Variants in VTI1A observed in about 807,000 individuals in gnomAD.
VTI1A encodes vesicle transport through interaction with t-SNAREs homolog 1A.
Under a neutral mutation model 34.9 loss-of-function variants are expected in VTI1A, and 22 were observed. That is an observed-to-expected ratio of 0.63 (90% confidence interval 0.45 to 0.90). The LOEUF is 0.90. Ranked by LOEUF, VTI1A falls within the 40% of genes least tolerant of loss-of-function variation. The pLI is 0.00. For missense variants in VTI1A, 268 were observed against 275.6 expected, an observed-to-expected ratio of 0.97 and a Z score of 0.20; for synonymous variants, 87 against 97.3, an observed-to-expected ratio of 0.89 and a Z score of 0.62.
At chr10:112,760,904 AAAAAC>A (rs1851441314) in intron 7 of VTI1A, among the ~76,000 whole-genome samples, 1 of 152,014 alleles carries the variant, frequency 6.6e-6, no homozygotes. Flanking sequence ...AAAAAAAAAA[AAAAAC>A]CAAAAAGTTG....
intron 7 of VTI1A, among the ~76,000 whole-genome samples, chr10:112,748,739 T>C (rs1003584209): frequency 1.3e-5 from 2 of 150,990 alleles, no homozygotes; most frequent in African/African-American, 4.9e-5. Flanking sequence ...CATTCTCCTG[T>C]CTCAGATTCC....
intron 7 of VTI1A, among the ~76,000 whole-genome samples, chr10:112,808,929 CTT>C (rs1853191327): frequency 6.6e-6 from 1 of 152,156 alleles, no homozygotes; most frequent in Admixed American, 6.5e-5. Flanking sequence ...AAGACAGTAT[CTT>C]TTTCTTGATT....
At chr10:112,781,292 G>A (rs1485262812) in intron 7 of VTI1A, among the ~76,000 whole-genome samples, 1 of 152,108 alleles carries the variant, frequency 6.6e-6, no homozygotes, top group African/African-American at 2.4e-5. Flanking sequence ...CCCTCTCTGG[G>A]CCTCTAGAAA....
At chr10:112,544,904 G>C (rs568677119) in intron 5 of VTI1A, among the ~76,000 whole-genome samples, 31 of 152,334 alleles carry the variant, frequency 2.0e-4, no homozygotes, top group Middle Eastern at 3.4e-3. Context: ...GGCAAGTTGT[G>C]TGGGGCCATG....
At chr10:112,727,413 G>C (rs953315779) in intron 7 of VTI1A, among the ~76,000 whole-genome samples, 1 of 143,144 alleles carries the variant, frequency 7.0e-6, no homozygotes, top group African/African-American at 2.9e-5. Context: ...ATTCCCTAAT[G>C]ATACCCTGCA....
chr10:112,829,519 G>A, the VTI1A span, among the ~76,000 whole-genome samples: 1 of 151,874 alleles, frequency 6.6e-6, no homozygotes, highest in African/African-American at 2.4e-5. Flanking sequence ...GGGAGGCCAA[G>A]GCAGGTGGAT....
At chr10:112,665,304 GAAAA>G (rs10719081) in intron 5 of VTI1A, among the ~76,000 whole-genome samples, 1 of 140,242 alleles carries the variant, frequency 7.1e-6, no homozygotes, top group Admixed American at 7.0e-5. Context: ...CACAGTGGGG[GAAAA>G]AAAAAAAAAG....
At chr10:112,791,613 A>G (rs184721791) in intron 7 of VTI1A, among the ~76,000 whole-genome samples, 1 of 152,242 alleles carries the variant, frequency 6.6e-6, no homozygotes, top group East Asian at 1.9e-4. Context: ...ACCAGTGAGA[A>G]TGTTAGCTGC....
chr10:112,619,737 G>C (rs890053409), intron 5 of VTI1A, among the ~76,000 whole-genome samples: 2 of 152,024 alleles, frequency 1.3e-5, no homozygotes, highest in Non-Finnish European at 2.9e-5. Flanking sequence ...TTCCTTCCTT[G>C]GAGTGAGGCT....
intron 5 of VTI1A, among the ~76,000 whole-genome samples, chr10:112,562,451 G>A (rs1851755841): frequency 6.6e-6 from 1 of 151,970 alleles, no homozygotes; most frequent in Non-Finnish European, 1.5e-5. Context: ...CTTTTAGAGT[G>A]CTATATTTTC....
intron 7 of VTI1A, among the ~76,000 whole-genome samples, chr10:112,807,262 T>C (rs1178549908): frequency 6.6e-6 from 1 of 152,186 alleles, no homozygotes; most frequent in Admixed American, 6.5e-5. Context: ...AGTGTATTCA[T>C]TTTCCAGGGC....
intron 3 of VTI1A, among the ~76,000 whole-genome samples, chr10:112,474,408 A>G (rs1848208405): frequency 6.6e-6 from 1 of 151,304 alleles, no homozygotes; most frequent in Non-Finnish European, 1.5e-5. Context: ...GTGCATGTGC[A>G]TGCCCATTAT....
intron 7 of VTI1A, among the ~76,000 whole-genome samples, chr10:112,683,662 A>G (rs1408123381): frequency 2.0e-5 from 3 of 152,198 alleles, no homozygotes; most frequent in Non-Finnish European, 4.4e-5. Flanking sequence ...ACTTAATATT[A>G]TAATCTTAAA....
intron 5 of VTI1A, among the ~76,000 whole-genome samples, chr10:112,667,335 G>T (rs147532198): frequency 6.6e-6 from 1 of 152,050 alleles, no homozygotes; most frequent in Non-Finnish European, 1.5e-5. Flanking sequence ...ATGGAGTAAG[G>T]CACCTCCCAG....
chr10:112,484,102 A>C (rs2134105102), intron 3 of VTI1A, among the ~76,000 whole-genome samples: 1 of 152,378 alleles, frequency 6.6e-6, no homozygotes, highest in African/African-American at 2.4e-5. Flanking sequence ...GCTATAAACC[A>C]AGAGAGGCAG....
intron 5 of VTI1A, among the ~76,000 whole-genome samples, chr10:112,640,253 A>G (rs1399171346): frequency 5.3e-5 from 8 of 152,200 alleles, no homozygotes; most frequent in African/African-American, 1.7e-4. Context: ...TTTAATAGCA[A>G]TATCTATCAA....
intron 7 of VTI1A, among the ~76,000 whole-genome samples, chr10:112,709,864 G>A (rs1849345643): frequency 6.7e-6 from 1 of 149,120 alleles, no homozygotes; most frequent in South Asian, 2.2e-4. Flanking sequence ...CTAATTTTTT[G>A]TATTTTAGTA....
chr10:112,690,904 A>T (rs1848588998), intron 7 of VTI1A, among the ~76,000 whole-genome samples: 1 of 152,142 alleles, frequency 6.6e-6, no homozygotes. Flanking sequence ...CCCTAGCCAT[A>T]GGTGCCCCTG....
chr10:112,482,947 A>G (rs1261823913), intron 3 of VTI1A, among the ~76,000 whole-genome samples: 1 of 152,206 alleles, frequency 6.6e-6, no homozygotes. Context: ...GACTGGGGCT[A>G]AACAACTGTC....
Sources: allele counts gnomAD v4.1 joint callset (sites outside exome capture counted in the v4.1 genomes callset), GRCh38; gene constraint gnomAD v4.1.1; transcripts MANE v1.5; gene names NCBI Gene and HGNC (gene_info 2026-07-23, HGNC 2026-07-21).